Variants in NCAM2 observed in about 807,000 individuals in gnomAD.
The protein encoded by NCAM2 is neural cell adhesion molecule 2.
Under a neutral mutation model 98.1 loss-of-function variants are expected in NCAM2, and 30 were observed. The ratio of observed to expected loss-of-function variants is 0.31; its 90% CI spans 0.23 to 0.41. NCAM2 has a LOEUF of 0.41. Ranked by LOEUF, NCAM2 falls within the 10% of genes least tolerant of loss-of-function variation. The pLI is 1.00. For synonymous variants in NCAM2, 368 were observed against 342.4 expected, an observed-to-expected ratio of 1.07 and a Z score of -0.83; for missense variants, 867 against 1,005.8, an observed-to-expected ratio of 0.86 and a Z score of 1.87.
intron 15 of NCAM2, among the ~76,000 whole-genome samples, chr21:21,504,521 C>A (rs1987850201): frequency 6.6e-6 from 1 of 151,820 alleles, no homozygotes; most frequent in South Asian, 2.1e-4. Flanking sequence ...GTGCCCGAAT[C>A]TTAATGATGT....
chr21:21,206,090 A>G (rs1453474234), intron 1 of NCAM2, among the ~76,000 whole-genome samples: 1 of 152,150 alleles, frequency 6.6e-6, no homozygotes, highest in Non-Finnish European at 1.5e-5. Flanking sequence ...TAAAATATGT[A>G]CTGTGCTTTT....
In NCAM2 at chr21:21,326,437, G is replaced by T. The variant is rs117849473; in HGVS notation, c.737+1937G>T. Among the ~76,000 whole-genome samples, 764 of 152,254 alleles carry T rather than the reference G, an allele frequency of 5.0e-3. 2 individuals are homozygous for T. Among genetic ancestry groups the T allele is most frequent in the Middle Eastern group, 0.014 (4 of 294 alleles). On this transcript the variant is annotated intron_variant, in intron 6 of 17. Transcript: ENST00000400546. The stretch of plus-strand genomic sequence containing the variant: ...TTTAGTTTGGTCAGTTTAGTTGTCT[G>T]CAGCACAACCCTTTCAAATAACAGC...
At chr21:21,096,593 C>T (rs1555884103) in intron 1 of NCAM2, among the ~76,000 whole-genome samples, 1 of 151,668 alleles carries the variant, frequency 6.6e-6, no homozygotes, top group Non-Finnish European at 1.5e-5. Flanking sequence ...TGTTTTCCTT[C>T]TCCTAGTATC....
At chr21:21,509,655 T>C (rs1988237013) in intron 16 of NCAM2, among the ~76,000 whole-genome samples, 1 of 152,204 alleles carries the variant, frequency 6.6e-6, no homozygotes, top group African/African-American at 2.4e-5. Flanking sequence ...TAAGCAGATA[T>C]AATTTTCAAG....
In NCAM2 at chr21:21,078,900, C is replaced by T. The variant is rs999353815; in HGVS notation, c.55+80282C>T. 5.9e-4 allele frequency among the ~76,000 whole-genome samples: 89 copies of T among 152,092 alleles called. 2 individuals are homozygous for T. The highest frequency in any genetic ancestry group is 2.0e-4 in the Admixed American group (3 of 15,268). On this transcript the variant is annotated intron_variant, in intron 1 of 17. Transcript: ENST00000400546. ...GTCTTTTGCAGGGATATGGATGAAG[C>T]TGGAAGCTATCATCCTTAGCAAACT...
chr21:21,411,603 T>A (rs949407099), intron 10 of NCAM2, among the ~76,000 whole-genome samples: 2 of 152,174 alleles, frequency 1.3e-5, no homozygotes, highest in Non-Finnish European at 2.9e-5. Flanking sequence ...TCATCACCCT[T>A]TCCAAATTAT....
chr21:21,313,856 G>T (rs1461323563), intron 5 of NCAM2, among the ~76,000 whole-genome samples: 3 of 151,946 alleles, frequency 2.0e-5, no homozygotes, highest in Non-Finnish European at 4.4e-5. Flanking sequence ...CACAATTTGT[G>T]GGGAGGGGGT....
chr21:21,521,754 C>G (rs1228932574), intron 16 of NCAM2, among the ~76,000 whole-genome samples: 1 of 151,286 alleles, frequency 6.6e-6, no homozygotes, highest in Non-Finnish European at 1.5e-5. Context: ...ACAAAAGAAA[C>G]AGAACATAAT....
At chr21:21,168,221 A>G (rs1804263727) in intron 1 of NCAM2, among the ~76,000 whole-genome samples, 1 of 152,080 alleles carries the variant, frequency 6.6e-6, no homozygotes, top group Non-Finnish European at 1.5e-5. Flanking sequence ...TCCTAGATAC[A>G]GAAAAAAAAT....
chr21:21,166,240 C>T (rs911749275), intron 1 of NCAM2, among the ~76,000 whole-genome samples: 2 of 152,210 alleles, frequency 1.3e-5, no homozygotes, highest in African/African-American at 2.4e-5. Context: ...CGGAGTCTCG[C>T]TCTGTCGCCC....
chr21:21,385,804 A>G, intron 9 of NCAM2: 1 of 249,682 alleles, frequency 4.0e-6, no homozygotes, highest in Non-Finnish European at 6.4e-6. Flanking sequence ...TTTTGTGACT[A>G]GGTAATCATT....
chr21:21,159,319 G>A (rs1022132900), intron 1 of NCAM2, among the ~76,000 whole-genome samples: 3 of 152,048 alleles, frequency 2.0e-5, no homozygotes, highest in Non-Finnish European at 4.4e-5. Context: ...AATAAATTTA[G>A]TGTAGTATAA....
chr21:21,254,293 A>C (rs983112661), intron 1 of NCAM2, among the ~76,000 whole-genome samples: 2 of 152,210 alleles, frequency 1.3e-5, no homozygotes, highest in African/African-American at 4.8e-5. Context: ...AAAATCATGA[A>C]ATTTGACTGA....
rs188941735 is a variant in NCAM2 at position 21,131,422 on chromosome 21, C to T, written c.55+132804C>T. ...CCTAGTAGCTGGGATTACAGGCATGCGCCACCACACTGGGCTAATTTTGTA... is the reference window on the plus strand; with the variant it reads ...CCTAGTAGCTGGGATTACAGGCATGTGCCACCACACTGGGCTAATTTTGTA... On this transcript the variant is annotated intron_variant, in intron 1 of 17. Coordinates refer to ENST00000400546, the MANE Select transcript of NCAM2 (RefSeq NM_004540.5). Among the ~76,000 whole-genome samples, 303 of 152,102 alleles carry T rather than the reference C, an allele frequency of 2.0e-3. 2 individuals are homozygous for T. Among genetic ancestry groups the T allele is most frequent in the African/African-American group, 6.9e-3 (286 of 41,510 alleles).
chr21:21,057,192 T>C (rs7282177), intron 1 of NCAM2, among the ~76,000 whole-genome samples: 9,119 of 152,096 alleles, frequency 0.06, 288 homozygotes, highest in East Asian at 0.097. Flanking sequence ...TTAAACTTCA[T>C]CTTTAAACAT....
chr21:21,107,555 C>A (rs549686862), intron 1 of NCAM2, among the ~76,000 whole-genome samples: 1 of 151,966 alleles, frequency 6.6e-6, no homozygotes, highest in Non-Finnish European at 1.5e-5. Context: ...AAATTTCCTA[C>A]TTAATTTTTG....
intron 1 of NCAM2, among the ~76,000 whole-genome samples, chr21:21,014,390 C>T (rs2064267203): frequency 6.7e-6 from 1 of 150,196 alleles, no homozygotes; most frequent in African/African-American, 2.5e-5. Flanking sequence ...TGCTATTGCA[C>T]TCCAGCCTGG....
chr21:21,219,597 T>C (rs1317470806), intron 1 of NCAM2, among the ~76,000 whole-genome samples: 6 of 152,334 alleles, frequency 3.9e-5, no homozygotes, highest in Admixed American at 1.3e-4. Context: ...GCACATACTT[T>C]TATGAATACT....
At chr21:21,147,121 G>A (rs1462836025) in intron 1 of NCAM2, 4 of 875,566 alleles carry the variant, frequency 4.6e-6, no homozygotes, top group South Asian at 5.4e-5. Flanking sequence ...TGCCTTCTAA[G>A]CCAGCACTAG....
Sources: allele counts gnomAD v4.1 joint callset (sites outside exome capture counted in the v4.1 genomes callset), GRCh38; gene constraint gnomAD v4.1.1; transcripts MANE v1.5; gene names NCBI Gene and HGNC (gene_info 2026-07-23, HGNC 2026-07-21).